LTBP2: variants seen among roughly 807,000 people sequenced by gnomAD.
The protein encoded by LTBP2 is latent-transforming growth factor beta-binding protein 2.
Under a neutral mutation model 210.6 loss-of-function variants are expected in LTBP2, and 103 were observed. That is an observed-to-expected ratio of 0.49 (90% CI 0.42 to 0.58). The LOEUF is 0.58. Among genes scored for constraint, LTBP2 ranks in the 20% least tolerant of loss-of-function variants. The probability of loss-of-function intolerance (pLI) is 0.00; values close to 1 mark genes in which losing one functional copy is unlikely to be tolerated. For synonymous variants in LTBP2, 1,007 were observed against 1,015.0 expected, an observed-to-expected ratio of 0.99 and a Z score of 0.15; for missense variants, 2,313 against 2,494.5, an observed-to-expected ratio of 0.93 and a Z score of 1.55.
At chr14:74,514,741 A>T (rs1296409701) in intron 18 of LTBP2, among the ~76,000 whole-genome samples, 1 of 152,198 alleles carries the variant, frequency 6.6e-6, no homozygotes, top group Non-Finnish European at 1.5e-5. Flanking sequence ...CAGACCACTC[A>T]GCCTTTCACC....
At chr14:74,609,794 C>T (rs539844590) in intron 1 of LTBP2, among the ~76,000 whole-genome samples, 37 of 152,340 alleles carry the variant, frequency 2.4e-4, no homozygotes, top group African/African-American at 8.7e-4. Context: ...ATTTCTTCAA[C>T]GTGATATTAA....
intron 3 of LTBP2, among the ~76,000 whole-genome samples, chr14:74,572,583 G>C (rs542330414): frequency 6.6e-6 from 1 of 152,084 alleles, no homozygotes; most frequent in Admixed American, 6.5e-5. Flanking sequence ...AAAAACTACC[G>C]GACCCATAAA....
chr14:74,582,177 G>A (rs150093270), intron 3 of LTBP2, among the ~76,000 whole-genome samples: 11 of 151,898 alleles, frequency 7.2e-5, no homozygotes, highest in Non-Finnish European at 1.3e-4. Flanking sequence ...TAGGTCCTCA[G>A]GTCTAGAGCA....
chr14:74,590,192 G>A (rs2088263057), intron 2 of LTBP2, among the ~76,000 whole-genome samples: 1 of 152,182 alleles, frequency 6.6e-6, no homozygotes. Context: ...ATACACTGCT[G>A]GTGGGAATGT....
chr14:74,568,127 T>C (rs1311500699), intron 3 of LTBP2, among the ~76,000 whole-genome samples: 4 of 152,318 alleles, frequency 2.6e-5, no homozygotes, highest in African/African-American at 9.6e-5. Flanking sequence ...GAAGTTGCCC[T>C]ACTTCCTTCA....
rs1468675594 is a variant in LTBP2 at position 74,611,351 on chromosome 14, G to A, written c.494+100C>T. On this transcript the variant is annotated intron_variant, in intron 1 of 35. Transcript: ENST00000261978. Reference sequence around the variant, plus strand: ...CGAAGTACTAAAGACAGAGGGACGAGGGTATGAGAGCGGCGCCCTCTCCTC... The same window carrying A: ...CGAAGTACTAAAGACAGAGGGACGAAGGTATGAGAGCGGCGCCCTCTCCTC... 5 of 1,294,962 alleles carry A rather than the reference G, an allele frequency of 3.9e-6. No individual in the cohort carries two copies. The African/African-American group carries it at 7.7e-5, about 20-fold the overall frequency. 80.2% of individuals were successfully genotyped at this position (1,294,962 alleles called of 1,614,324 possible).
chr14:74,590,541 G>A (rs906911222), intron 2 of LTBP2, among the ~76,000 whole-genome samples: 4 of 152,134 alleles, frequency 2.6e-5, no homozygotes, highest in East Asian at 3.9e-4. Context: ...GGAGTGAGCC[G>A]AGATCGTGCT....
chr14:74,548,505 C>T (rs1045434702), intron 8 of LTBP2, among the ~76,000 whole-genome samples: 5 of 151,972 alleles, frequency 3.3e-5, no homozygotes, highest in South Asian at 2.1e-4. Flanking sequence ...AAATATTTGT[C>T]GACTGATTAG....
chr14:74,560,670 C>T (rs2087782464), intron 3 of LTBP2, among the ~76,000 whole-genome samples: 1 of 152,222 alleles, frequency 6.6e-6, no homozygotes, highest in African/African-American at 2.4e-5. Flanking sequence ...AAACAGCTGG[C>T]CCATCATATC....
chr14:74,508,876 G>A lies in LTBP2; in HGVS notation c.3480C>T (p.Cys1160=), dbSNP rs1249473820. ...ECKNTVGSYQ[C]LCPQGFQLAN... ...CCAGCTGGAAGCCCTGGGGACAGAG[G>A]CACTGGTAGGAGCCCACAGTGTTCT... is the stretch of plus-strand genomic sequence containing the variant. Residue 1160 remains cysteine (C), a synonymous_variant, in exon 23 of 36, where the codon TGC becomes TGT. Transcript: ENST00000261978. The A allele has an allele frequency of 1.2e-6, 2 of 1,613,640 alleles. No homozygotes were observed. The highest frequency in any genetic ancestry group is 2.7e-5 in the African/African-American group (2 of 74,900).
In LTBP2 at chr14:74,566,493, C is replaced by A. The variant is rs74366409; in HGVS notation, c.831-10800G>T. ...TGTGTTTCCCTGATGGCTTGGTCTC[C>A]CCTGAGGATCTGGGTGCTGGCAAGG... On this transcript the variant is annotated intron_variant, in intron 3 of 35. Transcript: ENST00000261978. Among the ~76,000 whole-genome samples, 598 of 152,328 alleles carry A rather than the reference C, an allele frequency of 3.9e-3. 1 individual carries two copies. The highest frequency in any genetic ancestry group is 6.8e-3 in the Middle Eastern group (2 of 294).
At position 74,611,760 on chromosome 14, in the gene LTBP2, G is replaced by A; in HGVS notation, c.185C>T (p.Ala62Val). Residue 62 changes from alanine (A) to valine (V), a missense_variant, in exon 1 of 36, where the codon GCA (alanine) becomes GTA (valine). By Grantham distance (64) the Ala-to-Val change is moderately conservative. Coordinates refer to ENST00000261978, the MANE Select transcript of LTBP2 (RefSeq NM_000428.3). Reference sequence around the variant, plus strand: ...ACTGTACACCTTGGCTGCAGCCGCTGCCGGGTAGCTGCCCCCAGGGCGCCG... The same window carrying A: ...ACTGTACACCTTGGCTGCAGCCGCTACCGGGTAGCTGCCCCCAGGGCGCCG... ...RLRRPGGSYP[A>V]AAAAKVYSLF... is the part of the protein sequence containing the mutation. 2 of 1,608,124 alleles carry A rather than the reference G, an allele frequency of 1.2e-6. No individual in the cohort carries two copies. The highest frequency in any genetic ancestry group is 1.7e-6 in the Non-Finnish European group (2 of 1,179,376).
Position 74,611,929 on chromosome 14 carries a change from T to G in LTBP2, c.16A>C (p.Lys6Gln). Reference sequence around the variant, plus strand: ...AGGGCGCGCCCCGGGCTGCGGGCTTTGGTCCGCGGCCTCATGGCGCGGGGC... The same window carrying G: ...AGGGCGCGCCCCGGGCTGCGGGCTTGGGTCCGCGGCCTCATGGCGCGGGGC... MRPRT[K>Q]ARSPGRALRN... Residue 6 changes from lysine to glutamine, a missense_variant, in exon 1 of 36, where the codon AAA becomes CAA. Coordinates refer to ENST00000261978, the MANE Select transcript of LTBP2 (RefSeq NM_000428.3). 1 of 1,585,482 alleles carries G rather than the reference T, an allele frequency of 6.3e-7. No individual in the cohort carries two copies.
intron 17 of LTBP2, among the ~76,000 whole-genome samples, chr14:74,521,499 C>G (rs1479975398): frequency 6.6e-6 from 1 of 152,164 alleles, no homozygotes; most frequent in African/African-American, 2.4e-5. Flanking sequence ...GCTCCTCGTT[C>G]AAAGGCACAC....
intron 9 of LTBP2, among the ~76,000 whole-genome samples, chr14:74,534,545 C>A (rs1239972907): frequency 6.6e-6 from 1 of 152,136 alleles, no homozygotes; most frequent in African/African-American, 2.4e-5. Context: ...TGGGAAGGCG[C>A]CCCCACCATG....
rs2087960633 is a variant in LTBP2, at chr14:74,570,465, A to G, written c.831-14772T>C. Reference sequence around the variant, plus strand: ...ACTTTCAGGAACTGGCCAAAGTCCCAGCCTGCCCTTTCCGCTCTCACAGGG... The same window carrying G: ...ACTTTCAGGAACTGGCCAAAGTCCCGGCCTGCCCTTTCCGCTCTCACAGGG... On this transcript the variant is annotated intron_variant, in intron 3 of 35. Transcript: ENST00000261978. 1.3e-5 allele frequency among the ~76,000 whole-genome samples: 2 copies of G among 152,230 alleles called. 1 individual carries two copies. The highest frequency in any genetic ancestry group is 4.1e-4 in the South Asian group (2 of 4,838).
intron 10 of LTBP2, 52 bp from the exon 11 acceptor site, chr14:74,529,174 T>G (rs780062634): frequency 6.5e-7 from 1 of 1,547,934 alleles, no homozygotes; most frequent in South Asian, 1.2e-5. Context: ...GGGAGGGGAA[T>G]GCGCAGCTGG....
intron 8 of LTBP2, among the ~76,000 whole-genome samples, chr14:74,543,542 C>CTTCCT (rs1185987542): frequency 0.022 from 2,663 of 121,988 alleles, 305 homozygotes; most frequent in African/African-American, 0.09. Context: ...TCCCTTTTTC[C>CTTCCT]TCCCTCCCTC....
Position 74,503,234 on chromosome 14 carries a change from G to C in LTBP2, c.4873C>G (p.Pro1625Ala), listed in dbSNP as rs1377569931. Reference protein sequence around the residue: ...EAWSQQCALCPPRSSEVYAQL... With the variant: ...EAWSQQCALCAPRSSEVYAQL... ...TCCCCCTCACCAGAGCTCCTCGGGG[G>C]ACACAGAGCACACTGCTGGCTCCAG... Residue 1625 changes from proline to alanine, a missense_variant, in exon 33 of 36, where the codon CCC becomes GCC. Physicochemically the swap from Pro to Ala is conservative, Grantham distance 27. Coordinates refer to ENST00000261978, the MANE Select transcript of LTBP2 (RefSeq NM_000428.3). 3.7e-6 allele frequency: 6 copies of C among 1,613,918 alleles called. No homozygotes were observed. The highest frequency in any genetic ancestry group is 2.2e-5 in the East Asian group (1 of 44,890).
Sources: allele counts gnomAD v4.1 joint callset (sites outside exome capture counted in the v4.1 genomes callset), GRCh38; gene constraint gnomAD v4.1.1; transcripts MANE v1.5; gene names NCBI Gene and HGNC (gene_info 2026-07-23, HGNC 2026-07-21).